ZMAT4: variants seen among roughly 807,000 people sequenced by gnomAD.
The protein encoded by ZMAT4 is zinc finger matrin-type protein 4.
ZMAT4 carries 17 observed loss-of-function variants against 28.7 expected under a neutral mutation model. The ratio of observed to expected loss-of-function variants is 0.59; its 90% CI spans 0.41 to 0.89. The LOEUF (loss-of-function observed/expected upper bound fraction) is 0.89. ZMAT4 is among the 40% of genes least tolerant of loss of function. ZMAT4 has a pLI of 0.00. For synonymous variants in ZMAT4, 117 were observed against 109.2 expected, an observed-to-expected ratio of 1.07 and a Z score of -0.44; for missense variants, 240 against 283.8, an observed-to-expected ratio of 0.85 and a Z score of 1.11.
chr8:40,732,782 G>A (rs1000444488), intron 3 of ZMAT4, among the ~76,000 whole-genome samples: 2 of 150,456 alleles, frequency 1.3e-5, no homozygotes, highest in Admixed American at 1.3e-4. Context: ...GAAGAAAAAG[G>A]CAGACACTGG....
chr8:40,649,532 C>T (rs960452929), intron 5 of ZMAT4, among the ~76,000 whole-genome samples: 2 of 152,114 alleles, frequency 1.3e-5, no homozygotes, highest in African/African-American at 4.8e-5. Context: ...AGAAAGTCAA[C>T]AAGGATACCG....
chr8:40,781,317 C>G lies in ZMAT4; in HGVS notation c.103-13587G>C, dbSNP rs190784574. ...AGGAACAAGCTGATTCTAAAACTCA[C>G]GTGGACTCAGATTAGCCAAAACAAT... is the stretch of plus-strand genomic sequence containing the variant. On this transcript the variant is annotated intron_variant, in intron 2 of 6. Transcript: ENST00000297737. Among the ~76,000 whole-genome samples the G allele has an allele frequency of 1.6e-4, 25 of 152,166 alleles. 1 individual carries two copies. The East Asian group carries it at 4.2e-3, about 26-fold the overall frequency.
At chr8:40,875,450 G>A (rs908849273) in intron 1 of ZMAT4, among the ~76,000 whole-genome samples, 1 of 152,248 alleles carries the variant, frequency 6.6e-6, no homozygotes, top group Admixed American at 6.5e-5. Flanking sequence ...AATAAGCATG[G>A]GTGCAAAAGG....
At chr8:40,547,831 C>G (rs1052579021) in intron 6 of ZMAT4, among the ~76,000 whole-genome samples, 2 of 151,912 alleles carry the variant, frequency 1.3e-5, no homozygotes, top group African/African-American at 4.8e-5. Context: ...GAGAGACTCA[C>G]GATGAATGAA....
At chr8:40,537,941 G>T (rs1400518504) in intron 6 of ZMAT4, among the ~76,000 whole-genome samples, 2 of 152,168 alleles carry the variant, frequency 1.3e-5, no homozygotes, top group Non-Finnish European at 2.9e-5. Flanking sequence ...CAAAGTGCTA[G>T]GCTTTGGGCA....
chr8:40,607,963 C>T lies in ZMAT4; in HGVS notation c.578-26702G>A, dbSNP rs117367356. Among the ~76,000 whole-genome samples, 1,327 of 151,840 alleles carry T rather than the reference C, an allele frequency of 8.7e-3. 10 individuals are homozygous for T. Among genetic ancestry groups the T allele is most frequent in the Non-Finnish European group, 0.015 (1,011 of 67,924 alleles). On this transcript the variant is annotated intron_variant, in intron 5 of 6. Transcript: ENST00000297737. ...GGAGTGAAGTGGATTCTGTGGGGGT[C>T]CTTGGTTGTGTTTTTTTTTAATGTG...
At chr8:40,570,112 G>A (rs1804046494) in intron 6 of ZMAT4, among the ~76,000 whole-genome samples, 1 of 152,158 alleles carries the variant, frequency 6.6e-6, no homozygotes, top group Non-Finnish European at 1.5e-5. Flanking sequence ...AAAACATTAT[G>A]TTGAGCAGAA....
At chr8:40,582,554 A>C (rs994042435) in intron 5 of ZMAT4, among the ~76,000 whole-genome samples, 1 of 152,204 alleles carries the variant, frequency 6.6e-6, no homozygotes, top group Non-Finnish European at 1.5e-5. Context: ...CTGTTCTAGC[A>C]TTGTAAATGC....
chr8:40,781,397 A>C (rs893297223), intron 2 of ZMAT4, among the ~76,000 whole-genome samples: 10 of 152,162 alleles, frequency 6.6e-5, no homozygotes, highest in Non-Finnish European at 1.2e-4. Flanking sequence ...ACTTACTAAA[A>C]AGCTATAGTA....
rs959703086 is a variant in ZMAT4, at chr8:40,705,313, T to C, written c.193-7912A>G. 8.5e-5 allele frequency among the ~76,000 whole-genome samples: 13 copies of C among 152,252 alleles called. No individual in the cohort carries two copies. In the East Asian group the frequency reaches 1.2e-3, roughly 14 times the overall value. The stretch of plus-strand genomic sequence containing the variant: ...AGCCCCACTAACCAAGAGAAGTGGC[T>C]AAGAAAATGCTGCAAATGAATAGAG... On this transcript the variant is annotated intron_variant, in intron 3 of 6. Coordinates refer to ENST00000297737, the MANE Select transcript of ZMAT4 (RefSeq NM_024645.3).
At chr8:40,555,092 G>A (rs953436495) in intron 6 of ZMAT4, among the ~76,000 whole-genome samples, 1 of 152,078 alleles carries the variant, frequency 6.6e-6, no homozygotes, top group Non-Finnish European at 1.5e-5. Flanking sequence ...TTCTGTGCCT[G>A]GCTTATTTTA....
chr8:40,731,838 T>C (rs952111316), intron 3 of ZMAT4, among the ~76,000 whole-genome samples: 37 of 152,202 alleles, frequency 2.4e-4, no homozygotes, highest in African/African-American at 8.4e-4. Flanking sequence ...CATGGATGGA[T>C]GATTGGATAA....
chr8:40,743,039 C>T (rs757635759), intron 3 of ZMAT4, among the ~76,000 whole-genome samples: 18 of 151,860 alleles, frequency 1.2e-4, no homozygotes, highest in Non-Finnish European at 5.9e-5. Context: ...TGGTGAAACC[C>T]CATCTCTACT....
chr8:40,761,440 G>T (rs1812933102), intron 3 of ZMAT4, among the ~76,000 whole-genome samples: 1 of 151,878 alleles, frequency 6.6e-6, no homozygotes, highest in East Asian at 1.9e-4. Flanking sequence ...AAGAACAGGC[G>T]CCCCGTCATG....
intron 2 of ZMAT4, among the ~76,000 whole-genome samples, chr8:40,785,084 T>A (rs1335959922): frequency 6.6e-6 from 1 of 152,242 alleles, no homozygotes; most frequent in Non-Finnish European, 1.5e-5. Flanking sequence ...ATATTGATGC[T>A]TCTAAGCGTT....
chr8:40,833,540 C>CAAAAAAAAAAA lies in ZMAT4; in HGVS notation c.-4-7871_-4-7861dup, dbSNP rs57458575. Among the ~76,000 whole-genome samples, 94 of 87,034 alleles carry CAAAAAAAAAAA rather than the reference C, an allele frequency of 1.1e-3. 3 individuals carry two copies. Among genetic ancestry groups the CAAAAAAAAAAA allele is most frequent in the East Asian group, 3.4e-3 (10 of 2,982 alleles). 57.1% of individuals were successfully genotyped at this position (87,034 alleles called of 152,430 possible). A position where few individuals can be genotyped will look rare whatever the true frequency, so the allele number is the denominator to read the frequency against. ...CCGAGATCATACCACTACACTCCAG[C>CAAAAAAAAAAA]AAAAAAAAAAAAAAAAAAGACATGA... On this transcript the variant is annotated intron_variant, in intron 1 of 6. Transcript: ENST00000297737.
intron 1 of ZMAT4, among the ~76,000 whole-genome samples, chr8:40,872,227 T>C (rs1483380668): frequency 6.6e-6 from 1 of 152,164 alleles, no homozygotes; most frequent in African/African-American, 2.4e-5. Flanking sequence ...ACGCACACAC[T>C]GAGCAGGCAA....
In ZMAT4 at chr8:40,872,435, A is replaced by AC. The variant is rs370773278; in HGVS notation, c.-5+25247dup. Among the ~76,000 whole-genome samples, 149 of 151,158 alleles carry AC rather than the reference A, an allele frequency of 9.9e-4. 2 individuals carry two copies. The East Asian group carries it at 0.014, about 14-fold the overall frequency. On this transcript the variant is annotated intron_variant, in intron 1 of 6. Coordinates refer to ENST00000297737, the MANE Select transcript of ZMAT4 (RefSeq NM_024645.3). Reference sequence around the variant, plus strand: ...CCCTGTAGGCCTCGGGGGCCCCAGTACCCCCCCCAACCCTGGAGAAGGAGA... The same window carrying AC: ...CCCTGTAGGCCTCGGGGGCCCCAGTACCCCCCCCCAACCCTGGAGAAGGAGA...
chr8:40,847,167 G>A (rs1238483138), intron 1 of ZMAT4, among the ~76,000 whole-genome samples: 2 of 148,440 alleles, frequency 1.3e-5, no homozygotes, highest in African/African-American at 5.0e-5. Context: ...TTGTGCCACT[G>A]CACTCCAGCC....
Sources: gnomAD v4.1 joint callset for allele counts (sites outside exome capture counted in the v4.1 genomes callset) on GRCh38, gnomAD v4.1.1 for gene constraint, MANE v1.5 for transcripts, NCBI Gene and HGNC (gene_info 2026-07-23, HGNC 2026-07-21) for gene names.